Variants in OXR1 observed in about 807,000 individuals in gnomAD.
OXR1 encodes oxidation resistance protein 1.
Under a neutral mutation model 104.6 loss-of-function variants are expected in OXR1, and 41 were observed. The observed-to-expected ratio is 0.39, with a 90% CI of 0.31 to 0.51. The LOEUF is 0.51. Ranked by LOEUF, OXR1 falls within the 20% of genes least tolerant of loss-of-function variation. The pLI is 0.77. For missense variants in OXR1, 955 were observed against 1,031.9 expected, an observed-to-expected ratio of 0.93 and a Z score of 1.02; for synonymous variants, 348 against 348.4, an observed-to-expected ratio of 1.00 and a Z score of 0.01.
chr8:106,512,655 C>A (rs569499843), intron 2 of OXR1, among the ~76,000 whole-genome samples: 1 of 151,918 alleles, frequency 6.6e-6, no homozygotes, highest in African/African-American at 2.4e-5. Flanking sequence ...AGTATTTAGA[C>A]CAGATTACAA....
chr8:106,307,991 CA>C (rs1024221724), intron 1 of OXR1, among the ~76,000 whole-genome samples: 1 of 151,512 alleles, frequency 6.6e-6, no homozygotes, highest in African/African-American at 2.4e-5. Flanking sequence ...AAAATGGAAC[CA>C]AAAGGACACA....
At chr8:106,610,486 CA>C (rs1392120274) in intron 3 of OXR1, among the ~76,000 whole-genome samples, 1 of 152,170 alleles carries the variant, frequency 6.6e-6, no homozygotes, top group Admixed American at 6.5e-5. Flanking sequence ...AATACAATTA[CA>C]ATGCATGTGA....
intron 10 of OXR1, among the ~76,000 whole-genome samples, chr8:106,713,334 A>C (rs1410059991): frequency 6.6e-6 from 1 of 151,960 alleles, no homozygotes; most frequent in Non-Finnish European, 1.5e-5. Context: ...TGAGATTTCT[A>C]AGATTAGATC....
At chr8:106,453,033 C>T (rs978467350) in intron 2 of OXR1, among the ~76,000 whole-genome samples, 1 of 152,108 alleles carries the variant, frequency 6.6e-6, no homozygotes, top group Non-Finnish European at 1.5e-5. Context: ...TTTGTTTTTG[C>T]ACAAGCTTAC....
chr8:106,342,798 A>T (rs1815311240), intron 1 of OXR1, among the ~76,000 whole-genome samples: 1 of 152,142 alleles, frequency 6.6e-6, no homozygotes, highest in Non-Finnish European at 1.5e-5. Flanking sequence ...AAATTCTATG[A>T]ATCAAATTCC....
At chr8:106,292,124 A>G (rs1812780716) in intron 1 of OXR1, among the ~76,000 whole-genome samples, 1 of 152,082 alleles carries the variant, frequency 6.6e-6, no homozygotes, top group South Asian at 2.1e-4. Flanking sequence ...CTACCCACCC[A>G]TAGCCTCAGT....
At chr8:106,663,701 G>A (rs970395175) in intron 3 of OXR1, among the ~76,000 whole-genome samples, 20 of 152,274 alleles carry the variant, frequency 1.3e-4, no homozygotes, top group Admixed American at 1.3e-3. Context: ...AGATCAGTGG[G>A]GACATTAGAT....
chr8:106,322,818 C>T (rs1814281916), intron 1 of OXR1, among the ~76,000 whole-genome samples: 1 of 152,130 alleles, frequency 6.6e-6, no homozygotes, highest in Admixed American at 6.5e-5. Context: ...CCTAGGAATA[C>T]AGCTAACCAG....
chr8:106,697,512 C>G (rs1830163127), intron 7 of OXR1: 2 of 1,610,638 alleles, frequency 1.2e-6, no homozygotes, highest in Non-Finnish European at 1.7e-6. Context: ...TGCCCTCTTG[C>G]AGCTGGTTAT....
intron 2 of OXR1, among the ~76,000 whole-genome samples, chr8:106,439,235 GA>G (rs1169265128): frequency 6.6e-6 from 1 of 151,988 alleles, no homozygotes; most frequent in Non-Finnish European, 1.5e-5. Context: ...AAGCCCCGGT[GA>G]TGGGATTAAG....
At chr8:106,744,222 A>G (rs2131588289) in intron 15 of OXR1, among the ~76,000 whole-genome samples, 1 of 152,334 alleles carries the variant, frequency 6.6e-6, no homozygotes, top group African/African-American at 2.4e-5. Flanking sequence ...AAGGAAAAAA[A>G]AGAGAAAGAG....
intron 3 of OXR1, among the ~76,000 whole-genome samples, chr8:106,649,846 A>G (rs1199663238): frequency 2.6e-5 from 4 of 151,716 alleles, no homozygotes; most frequent in East Asian, 1.9e-4. Flanking sequence ...ACAGGCACCC[A>G]CCGCCACGCC....
At chr8:106,414,179 A>T (rs1227350907) in intron 2 of OXR1, among the ~76,000 whole-genome samples, 1 of 151,990 alleles carries the variant, frequency 6.6e-6, no homozygotes, top group East Asian at 1.9e-4. Context: ...GTTATTTGGG[A>T]CTTTATTTCA....
intron 2 of OXR1, among the ~76,000 whole-genome samples, chr8:106,425,093 T>G (rs1819059750): frequency 6.9e-6 from 1 of 144,128 alleles, no homozygotes; most frequent in African/African-American, 2.6e-5. Context: ...GTTTTTTTTT[T>G]TTTTTTTTTT....
chr8:106,678,974 T>C (rs977573196), intron 3 of OXR1, among the ~76,000 whole-genome samples: 1 of 152,048 alleles, frequency 6.6e-6, no homozygotes. Flanking sequence ...CAATTATGTT[T>C]TGCGTTGACT....
intron 2 of OXR1, among the ~76,000 whole-genome samples, chr8:106,503,417 C>G (rs1811938791): frequency 6.6e-6 from 1 of 152,154 alleles, no homozygotes; most frequent in Non-Finnish European, 1.5e-5. Flanking sequence ...GATTTCATGA[C>G]CCTTGGCTGA....
intron 3 of OXR1, chr8:106,657,776 C>T: frequency 1.7e-6 from 2 of 1,156,128 alleles, no homozygotes; most frequent in Non-Finnish European, 2.2e-6. Flanking sequence ...AACTTTTGTC[C>T]GTCTTTTGCT....
chr8:106,311,457 T>C, intron 1 of OXR1, among the ~76,000 whole-genome samples: 1 of 152,216 alleles, frequency 6.6e-6, no homozygotes, highest in Non-Finnish European at 1.5e-5. Context: ...CTTTATTTGG[T>C]ATATTTAGTT....
At chr8:106,375,820 C>T (rs1816885330) in intron 2 of OXR1, among the ~76,000 whole-genome samples, 2 of 152,220 alleles carry the variant, frequency 1.3e-5, no homozygotes, top group South Asian at 4.1e-4. Flanking sequence ...CATTTGGTTC[C>T]TATAAGGCTA....
Sources: gnomAD v4.1 joint callset for allele counts (sites outside exome capture counted in the v4.1 genomes callset) on GRCh38, gnomAD v4.1.1 for gene constraint, MANE v1.5 for transcripts, NCBI Gene and HGNC (gene_info 2026-07-23, HGNC 2026-07-21) for gene names.